The following PRELID2 variants were observed in gnomAD, a reference collection of about 807,000 sequenced individuals.
The protein encoded by PRELID2 is PRELI domain-containing protein 2.
A neutral mutation model predicts 28.4 loss-of-function variants in PRELID2; 25 were observed. The observed-to-expected ratio is 0.88, with a 90% CI of 0.64 to 1.23. The LOEUF (loss-of-function observed/expected upper bound fraction) is 1.23, where lower values mean the gene tolerates loss of function less well. Ranked by LOEUF, PRELID2 falls within the 50% of genes most tolerant of loss-of-function variation. The pLI, the probability that PRELID2 is intolerant of heterozygous loss-of-function variation, is 0.00. For synonymous variants in PRELID2, 76 were observed against 71.6 expected, an observed-to-expected ratio of 1.06 and a Z score of -0.31; for missense variants, 201 against 214.4, an observed-to-expected ratio of 0.94 and a Z score of 0.39.
chr5:145,371,774 G>A, the PRELID2 span, among the ~76,000 whole-genome samples: 1 of 151,088 alleles, frequency 6.6e-6, no homozygotes, highest in East Asian at 1.9e-4. Context: ...ATGGTAGTTT[G>A]TGTCTCTGTG....
the PRELID2 span, among the ~76,000 whole-genome samples, chr5:145,284,502 CT>C: frequency 2.8e-3 from 424 of 151,312 alleles, 2 homozygotes; most frequent in Non-Finnish European, 4.3e-3. Context: ...AAACTCAAGA[CT>C]TTTTTTTTCT....
chr5:145,381,216 C>A, the PRELID2 span, among the ~76,000 whole-genome samples: 1 of 152,152 alleles, frequency 6.6e-6, no homozygotes, highest in Non-Finnish European at 1.5e-5. Context: ...CTATCCCATG[C>A]AGGGCACTTT....
chr5:145,414,222 G>C, the PRELID2 span, among the ~76,000 whole-genome samples: 1 of 152,174 alleles, frequency 6.6e-6, no homozygotes, highest in Non-Finnish European at 1.5e-5. Flanking sequence ...AAGAAAGAAA[G>C]AGTTATCCAC....
chr5:145,694,701 C>T (rs1283595505), intron 1 of PRELID2, among the ~76,000 whole-genome samples: 2 of 151,852 alleles, frequency 1.3e-5, no homozygotes, highest in African/African-American at 4.8e-5. Context: ...CGTTTGTTCA[C>T]TTCACAAATA....
intron 1 of PRELID2, chr5:145,704,187 T>G (rs1038687401): frequency 2.0e-5 from 3 of 152,130 alleles, no homozygotes; most frequent in Admixed American, 1.3e-4. Context: ...GGCATGTGGA[T>G]CATTTTCACT....
intron 4 of PRELID2, among the ~76,000 whole-genome samples, chr5:145,802,960 A>G (rs1561626905): frequency 6.6e-6 from 1 of 152,204 alleles, no homozygotes; most frequent in Non-Finnish European, 1.5e-5. Flanking sequence ...AAAAGCTCTT[A>G]ATGAGATCCT....
At chr5:145,330,043 G>A in the PRELID2 span, among the ~76,000 whole-genome samples, 107 of 152,240 alleles carry the variant, frequency 7.0e-4, no homozygotes, top group African/African-American at 2.3e-3. Flanking sequence ...CATGGATTTT[G>A]TCATTGGTTC....
At chr5:145,822,978 A>T (rs574349746) in intron 2 of PRELID2, 99 bp downstream of exon 2, 240 of 592,794 alleles carry the variant, frequency 4.0e-4, no homozygotes, top group South Asian at 5.7e-4. Context: ...ACAATTTTTT[A>T]AAAAAAACCT....
At chr5:145,677,076 T>A (rs919464263) in intron 1 of PRELID2, among the ~76,000 whole-genome samples, 3 of 151,726 alleles carry the variant, frequency 2.0e-5, no homozygotes, top group Non-Finnish European at 2.9e-5. Context: ...TTGAAAAAAA[T>A]TAAGAAATTA....
chr5:145,399,739 T>A, the PRELID2 span, among the ~76,000 whole-genome samples: 1 of 152,092 alleles, frequency 6.6e-6, no homozygotes, highest in Non-Finnish European at 1.5e-5. Flanking sequence ...AGAAAGATGT[T>A]TATTGGACTT....
intron 1 of PRELID2, among the ~76,000 whole-genome samples, chr5:145,708,435 T>C (rs892923452): frequency 1.3e-5 from 2 of 152,170 alleles, no homozygotes; most frequent in African/African-American, 4.8e-5. Context: ...ATTTCTAAGG[T>C]CCCTTCCAGC....
intron 1 of PRELID2, 199 bp downstream of exon 1, chr5:145,834,978 A>C: frequency 2.0e-6 from 1 of 499,662 alleles, no homozygotes; most frequent in South Asian, 3.4e-5. Flanking sequence ...TGTGAACGTG[A>C]TGCCAAGCAC....
At chr5:145,467,884 T>G (rs1235866060), downstream of PRELID2, among the ~76,000 whole-genome samples, 1 of 151,890 alleles carries the variant, frequency 6.6e-6, no homozygotes, top group African/African-American at 2.4e-5. Context: ...AGTTAATTTA[T>G]TTACTTTGTT....
At chr5:145,458,831 G>GA in the PRELID2 span, among the ~76,000 whole-genome samples, 10 of 152,044 alleles carry the variant, frequency 6.6e-5, no homozygotes, top group East Asian at 1.9e-4. Context: ...TTTATTATCT[G>GA]AAAAAATCAA....
chr5:145,594,980 T>C (rs1476506460), intron 1 of PRELID2, among the ~76,000 whole-genome samples: 1 of 151,974 alleles, frequency 6.6e-6, no homozygotes, highest in African/African-American at 2.4e-5. Flanking sequence ...ATACAAAAAT[T>C]AGCTGGGTGT....
intron 1 of PRELID2, among the ~76,000 whole-genome samples, chr5:145,628,149 A>G (rs1383160030): frequency 6.6e-6 from 1 of 152,062 alleles, no homozygotes; most frequent in Non-Finnish European, 1.5e-5. Flanking sequence ...TACTCTCTCT[A>G]TAAGGCAATT....
chr5:145,366,110 G>T, the PRELID2 span, among the ~76,000 whole-genome samples: 3 of 151,872 alleles, frequency 2.0e-5, no homozygotes, highest in Non-Finnish European at 4.4e-5. Flanking sequence ...GTATGTTGGG[G>T]ACAGAATAGG....
chr5:145,498,748 G>A (rs1462510581), intron 1 of PRELID2, among the ~76,000 whole-genome samples: 1 of 151,736 alleles, frequency 6.6e-6, no homozygotes, highest in Non-Finnish European at 1.5e-5. Context: ...GTAGAGATAA[G>A]GTTTCACCAT....
the PRELID2 span, among the ~76,000 whole-genome samples, chr5:145,401,797 T>A: frequency 2.0e-3 from 299 of 152,342 alleles, 1 homozygote; most frequent in African/African-American, 6.8e-3. Flanking sequence ...ATTTAGTCTA[T>A]GCATGGCATT....
Sources: gnomAD v4.1 joint callset for allele counts (sites outside exome capture counted in the v4.1 genomes callset) on GRCh38, gnomAD v4.1.1 for gene constraint, MANE v1.5 for transcripts, NCBI Gene and HGNC (gene_info 2026-07-23, HGNC 2026-07-21) for gene names.